Variants in GATA4 observed in about 807,000 individuals in gnomAD.
The protein encoded by GATA4 is transcription factor GATA-4.
A neutral mutation model predicts 37.9 loss-of-function variants in GATA4; 7 were observed. The ratio of observed to expected loss-of-function variants is 0.18; its 90% CI spans 0.11 to 0.35. The LOEUF (loss-of-function observed/expected upper bound fraction) is 0.35, where lower values mean the gene tolerates loss of function less well. GATA4 is among the 10% of genes least tolerant of loss of function. The pLI, the probability that GATA4 is intolerant of heterozygous loss-of-function variation, is 1.00. For synonymous variants in GATA4, 372 were observed against 292.6 expected, an observed-to-expected ratio of 1.27 and a Z score of -2.77; for missense variants, 647 against 653.0, an observed-to-expected ratio of 0.99 and a Z score of 0.10.
intron 1 of GATA4, chr8:11,683,043 C>CTCT: frequency 1.0e-6 from 1 of 985,190 alleles, no homozygotes; most frequent in Non-Finnish European, 1.2e-6. Context: ...GGGGGTTTCT[C>CTCT]GACAGCTCTC....
chr8:11,753,701 C>T (rs894267456), intron 4 of GATA4, among the ~76,000 whole-genome samples: 4 of 152,112 alleles, frequency 2.6e-5, no homozygotes, highest in African/African-American at 9.7e-5. Context: ...AGTGCCACCC[C>T]ATCTACCCAC....
At chr8:11,756,407 C>T (rs374088187) in intron 5 of GATA4, 221 of 193,332 alleles carry the variant, frequency 1.1e-3, no homozygotes, top group Middle Eastern at 7.7e-3. Flanking sequence ...TTTCCTCTCA[C>T]GTAGCAATCA....
chr8:11,759,139 C>T lies in GATA4; in HGVS notation c.*664C>T, dbSNP rs1246376752. 6.3e-6 allele frequency: 1 copy of T among 159,712 alleles called. No homozygotes were observed. The highest frequency in any genetic ancestry group is 1.4e-5 in the Non-Finnish European group (1 of 72,488). 9.9% of individuals were successfully genotyped at this position (159,712 alleles called of 1,614,324 possible). On this transcript the variant is annotated 3_prime_UTR_variant, in exon 7 of 7. Coordinates refer to ENST00000532059, the MANE Select transcript of GATA4 (RefSeq NM_001308093.3). ...GCTGCCGGCCTTTGCTCCTTCACTT[C>T]CAACATCTCTCAAAATAAAAATCCC...
chr8:11,731,122 A>G (rs1801187238), intron 2 of GATA4, among the ~76,000 whole-genome samples: 1 of 152,234 alleles, frequency 6.6e-6, no homozygotes, highest in African/African-American at 2.4e-5. Flanking sequence ...TATTGCAGCT[A>G]CCACTGCCTC....
chr8:11,715,487 A>C (rs916430987), intron 2 of GATA4, among the ~76,000 whole-genome samples: 29 of 152,138 alleles, frequency 1.9e-4, no homozygotes, highest in African/African-American at 7.0e-4. Flanking sequence ...AGTGGCTCAC[A>C]CCTGTAATCC....
upstream of GATA4, among the ~76,000 whole-genome samples, chr8:11,690,504 T>C (rs995677327): frequency 7.2e-5 from 11 of 152,008 alleles, no homozygotes; most frequent in Admixed American, 5.2e-4. Flanking sequence ...TGATAAAGGC[T>C]GTAGAAACAG....
At chr8:11,679,898 GA>G (rs778310154) in intron 1 of GATA4, among the ~76,000 whole-genome samples, 1 of 152,216 alleles carries the variant, frequency 6.6e-6, no homozygotes, top group Non-Finnish European at 1.5e-5. Context: ...AACTGGCCAT[GA>G]ATTTTAATCC....
intron 1 of GATA4, among the ~76,000 whole-genome samples, chr8:11,693,871 C>T (rs1051686170): frequency 1.6e-4 from 25 of 152,116 alleles, no homozygotes; most frequent in Admixed American, 1.3e-4. Flanking sequence ...GCACAGAGTC[C>T]GCAGGCATTC....
chr8:11,748,569 G>C lies in GATA4; in HGVS notation c.617-347G>C, dbSNP rs73666006. On this transcript the variant is annotated intron_variant, in intron 2 of 6. Transcript: ENST00000532059. ...TCTTACTAACTTTGAAAGGGAAAAA[G>C]AGAGAGCAAGGTTTGCGTGGACCTC... is the stretch of plus-strand genomic sequence containing the variant. 0.03 allele frequency among the ~76,000 whole-genome samples: 4,502 copies of C among 152,296 alleles called. 197 individuals carry two copies. Among genetic ancestry groups the C allele is most frequent in the African/African-American group, 0.096 (3,992 of 41,534 alleles).
At chr8:11,750,460 T>C (rs1353276761) in intron 4 of GATA4, among the ~76,000 whole-genome samples, 2 of 152,244 alleles carry the variant, frequency 1.3e-5, no homozygotes, top group African/African-American at 4.8e-5. Flanking sequence ...ATGTAGCAGT[T>C]TGATGTGTAA....
Position 11,708,187 on chromosome 8 carries a change from A to C in GATA4, c.-126A>C. The C allele has an allele frequency of 8.9e-7, 1 of 1,120,844 alleles. No homozygotes were observed. Among genetic ancestry groups the C allele is most frequent in the South Asian group, 1.3e-5 (1 of 74,988 alleles). The allele number at this position is 1,120,844 out of a possible 1,614,324, so 69.4% of individuals were successfully genotyped here. A position where few individuals can be genotyped will look rare whatever the true frequency, so the allele number is the denominator to read the frequency against. ...AAGCGAGTTGGTTTTTTCCCCTTTG[A>C]TTTTTGATCTTCGCGACAGTTCCTC... On this transcript the variant is annotated 5_prime_UTR_variant, in exon 2 of 7. Coordinates refer to ENST00000532059, the MANE Select transcript of GATA4 (RefSeq NM_001308093.3). This position sits in a 1 kb window ranked among gnomAD's most constrained non-coding sequence, Gnocchi z 6.7.
rs528933038 is a variant in GATA4 at position 11,752,947 on chromosome 8, G to T, written c.913-2099G>T. On this transcript the variant is annotated intron_variant, in intron 4 of 6. Transcript: ENST00000532059. ...GTTAAACTATTGTTCTTCAATATGG[G>T]AATGGTACAAGAAACTTATTGGGAA... Among the ~76,000 whole-genome samples, 8 of 152,160 alleles carry T rather than the reference G, an allele frequency of 5.3e-5. 1 individual carries two copies. The highest frequency in any genetic ancestry group is 1.9e-4 in the African/African-American group (8 of 41,520).
At chr8:11,755,553 C>G (rs1802516283) in intron 5 of GATA4, among the ~76,000 whole-genome samples, 2 of 152,218 alleles carry the variant, frequency 1.3e-5, no homozygotes, top group Admixed American at 1.3e-4. Flanking sequence ...ACAGATTGAT[C>G]TCTAAGCCAA....
chr8:11,677,873 G>A (rs555675357), intron 1 of GATA4, among the ~76,000 whole-genome samples: 28 of 152,178 alleles, frequency 1.8e-4, no homozygotes, highest in South Asian at 2.1e-4. Flanking sequence ...CACTGCGTGC[G>A]TTGCAGAGCT....
chr8:11,716,751 C>G (rs1035795903), intron 2 of GATA4, among the ~76,000 whole-genome samples: 1 of 152,206 alleles, frequency 6.6e-6, no homozygotes, highest in Non-Finnish European at 1.5e-5. Context: ...CACTAACCGG[C>G]TGCAGCGGTG....
intron 1 of GATA4, chr8:11,692,876 C>T (rs1442274999): frequency 2.0e-6 from 2 of 980,414 alleles, no homozygotes; most frequent in Admixed American, 6.2e-5. Flanking sequence ...GCCGAGTTTG[C>T]GCCGCCCGCC....
At chr8:11,714,492 AT>A (rs1184069731) in intron 2 of GATA4, among the ~76,000 whole-genome samples, 3 of 152,150 alleles carry the variant, frequency 2.0e-5, no homozygotes, top group Non-Finnish European at 4.4e-5. Context: ...CTGGAGAATG[AT>A]TTGTCGATCT....
chr8:11,755,231 G>T, intron 5 of GATA4, 98 bp downstream of exon 5: 1 of 952,682 alleles, frequency 1.0e-6, no homozygotes, highest in Non-Finnish European at 1.7e-6. Context: ...AGCCCGGGCC[G>T]CCAGGGGGTG....
chr8:11,677,981 C>G (rs1246725041), intron 1 of GATA4, among the ~76,000 whole-genome samples: 1 of 150,894 alleles, frequency 6.6e-6, no homozygotes, highest in Non-Finnish European at 1.5e-5. Flanking sequence ...AGCCTTAAAT[C>G]TGATTTGTAG....
Sources: gnomAD v4.1 joint callset for allele counts (sites outside exome capture counted in the v4.1 genomes callset) on GRCh38, gnomAD v4.1.1 for gene constraint, Gnocchi (gnomAD v3.1) non-coding constraint, MANE v1.5 for transcripts, NCBI Gene and HGNC (gene_info 2026-07-23, HGNC 2026-07-21) for gene names.